The following SAMD4A variants were observed in gnomAD, a reference collection of about 807,000 sequenced individuals.
SAMD4A encodes sterile alpha motif domain containing 4A, also known as protein Smaug homolog 1.
SAMD4A carries 33 observed loss-of-function variants against 81.3 expected under a neutral mutation model. That is an observed-to-expected ratio of 0.41 (90% CI 0.31 to 0.54). The LOEUF (loss-of-function observed/expected upper bound fraction) is 0.54, where lower values mean the gene tolerates loss of function less well. Among genes scored for constraint, SAMD4A ranks in the 20% least tolerant of loss-of-function variants. The pLI, the probability that SAMD4A is intolerant of heterozygous loss-of-function variation, is 0.37. For missense variants in SAMD4A, 854 were observed against 951.1 expected (o/e 0.90, Z 1.34); for synonymous variants, 389 against 382.1 (o/e 1.02, Z -0.21).
intron 2 of SAMD4A, chr14:54,681,730 C>A: frequency 1.1e-6 from 1 of 942,180 alleles, no homozygotes; most frequent in South Asian, 4.9e-5. Flanking sequence ...CCACGCCCTG[C>A]CTTTTAGAAA....
rs1365470221 is a variant in SAMD4A at position 54,702,311 on chromosome 14, A to G, written c.446A>G (p.His149Arg). 4.3e-6 allele frequency: 7 copies of G among 1,613,844 alleles called. No individual in the cohort carries two copies. The South Asian group carries it at 7.7e-5, about 18-fold the overall frequency. The change falls in exon 3 of 13, where the codon CAC becomes CGC. Residue 149 changes from histidine (H) to arginine (R), a missense_variant. Physicochemically the swap from His to Arg is conservative, Grantham distance 29 (BLOSUM62 0). This residue lies in a region of SAMD4A where 387 missense variants were observed against 405.8 expected (regional missense o/e 0.95). Coordinates refer to ENST00000554335, the MANE Select transcript of SAMD4A (RefSeq NM_015589.6). ...DRSALAMWLN[H>R]LEDRTSTSFG... ...AGTGCTTTAGCCATGTGGCTGAATC[A>G]CTTGGAGGACCGCACGTCGACCAGC...
chr14:54,716,271 C>CATGT (rs2037115196), intron 3 of SAMD4A, among the ~76,000 whole-genome samples: 1 of 152,162 alleles, frequency 6.6e-6, no homozygotes, highest in South Asian at 2.1e-4. Flanking sequence ...CAAAGTCAGA[C>CATGT]ATGTATTCCT....
intron 7 of SAMD4A, among the ~76,000 whole-genome samples, chr14:54,762,402 T>G (rs889324181): frequency 6.6e-6 from 1 of 152,206 alleles, no homozygotes; most frequent in Non-Finnish European, 1.5e-5. Flanking sequence ...ACCACCCACC[T>G]TAAGGCATGT....
intron 2 of SAMD4A, among the ~76,000 whole-genome samples, chr14:54,637,480 G>T (rs2035063961): frequency 6.6e-6 from 1 of 151,770 alleles, no homozygotes; most frequent in Admixed American, 6.6e-5. Flanking sequence ...AGCTCTAGAA[G>T]CCAGGTGAAG....
chr14:54,592,330 CTT>C (rs1043891252), intron 2 of SAMD4A, among the ~76,000 whole-genome samples: 49 of 152,224 alleles, frequency 3.2e-4, no homozygotes, highest in African/African-American at 1.0e-3. Flanking sequence ...TCTACAAACA[CTT>C]TGCATCTGGC....
intron 2 of SAMD4A, among the ~76,000 whole-genome samples, chr14:54,651,839 A>G (rs2035410544): frequency 6.6e-6 from 1 of 151,836 alleles, no homozygotes; most frequent in Non-Finnish European, 1.5e-5. Context: ...TTCATCATAG[A>G]CTCCTTGGCC....
intron 2 of SAMD4A, among the ~76,000 whole-genome samples, chr14:54,649,812 G>C (rs1447591390): frequency 1.3e-5 from 2 of 152,188 alleles, no homozygotes; most frequent in African/African-American, 4.8e-5. Flanking sequence ...TCATTTGCCT[G>C]TAAGTATTTG....
intron 12 of SAMD4A, among the ~76,000 whole-genome samples, chr14:54,785,521 T>C (rs2039116838): frequency 6.6e-6 from 1 of 152,056 alleles, no homozygotes; most frequent in Non-Finnish European, 1.5e-5. Context: ...AATAGCCCTA[T>C]CCAGTCTACA....
At chr14:54,580,837 C>T (rs1324589552) in intron 2 of SAMD4A, among the ~76,000 whole-genome samples, 2 of 152,168 alleles carry the variant, frequency 1.3e-5, no homozygotes, top group East Asian at 1.9e-4. Flanking sequence ...GATCTCAGAA[C>T]GTTTTCGTTG....
intron 6 of SAMD4A, among the ~76,000 whole-genome samples, chr14:54,755,342 G>A (rs1014130965): frequency 1.4e-4 from 21 of 152,158 alleles, no homozygotes; most frequent in African/African-American, 1.9e-4. Flanking sequence ...GTCAGTGGCC[G>A]GAAGAGCAGG....
chr14:54,567,896 A>G lies in SAMD4A; in HGVS notation c.-21A>G. ...CTGGGGCGCCCAGGGGGCTCTGTAG[A>G]CCGAGGGCGGCCCCCTAACCATGAT... On this transcript the variant is annotated 5_prime_UTR_variant, in exon 2 of 13. Transcript: ENST00000554335. 6.3e-7 allele frequency: 1 copy of G among 1,599,036 alleles called. No homozygotes were observed. Among genetic ancestry groups the G allele is most frequent in the South Asian group, 1.1e-5 (1 of 90,060 alleles).
intron 3 of SAMD4A, chr14:54,703,738 G>A (rs1241019797): frequency 6.6e-6 from 1 of 152,156 alleles, no homozygotes; most frequent in Non-Finnish European, 1.5e-5. Context: ...ACATGGTGGT[G>A]TATGCCTGTA....
intron 3 of SAMD4A, among the ~76,000 whole-genome samples, chr14:54,712,311 C>G (rs189190524): frequency 6.6e-6 from 1 of 152,096 alleles, no homozygotes; most frequent in South Asian, 2.1e-4. Flanking sequence ...TCTAGCCAAC[C>G]TGGCATGTAA....
chr14:54,651,460 GTCA>G lies in SAMD4A; in HGVS notation c.197-50600_197-50598del, dbSNP rs371611763. On this transcript the variant is annotated intron_variant, in intron 2 of 12. Coordinates refer to ENST00000554335, the MANE Select transcript of SAMD4A (RefSeq NM_015589.6). The stretch of plus-strand genomic sequence containing the variant: ...TCTCTTTTGTTTGACAAGTTTTGTT[GTCA>G]TTTAACAGATTTGCTTCATGGGAGG... Among the ~76,000 whole-genome samples, 1,218 of 152,178 alleles carry G rather than the reference GTCA, an allele frequency of 8.0e-3. 14 individuals are homozygous for G. The highest frequency in any genetic ancestry group is 0.028 in the African/African-American group (1,159 of 41,512).
intron 6 of SAMD4A, among the ~76,000 whole-genome samples, chr14:54,753,498 C>G (rs1238095502): frequency 6.6e-6 from 1 of 152,188 alleles, no homozygotes; most frequent in Admixed American, 6.5e-5. Flanking sequence ...AGCAAAACTA[C>G]AAATTAACAA....
chr14:54,584,660 T>TC (rs1275088306), intron 2 of SAMD4A, among the ~76,000 whole-genome samples: 20 of 152,226 alleles, frequency 1.3e-4, no homozygotes, highest in African/African-American at 4.8e-4. Flanking sequence ...ATCTTTCAGT[T>TC]CCTGCCCTTT....
intron 7 of SAMD4A, among the ~76,000 whole-genome samples, chr14:54,761,659 C>A (rs2038401732): frequency 6.6e-6 from 1 of 152,236 alleles, no homozygotes; most frequent in Non-Finnish European, 1.5e-5. Flanking sequence ...CTCACCTTGG[C>A]ATGCACTTGT....
chr14:54,650,827 C>T (rs1203325155), intron 2 of SAMD4A, among the ~76,000 whole-genome samples: 1 of 152,172 alleles, frequency 6.6e-6, no homozygotes, highest in East Asian at 1.9e-4. Context: ...CAGAGGCGTG[C>T]CCCACGTTGT....
intron 2 of SAMD4A, among the ~76,000 whole-genome samples, chr14:54,576,758 A>G (rs1345271100): frequency 1.3e-5 from 2 of 152,238 alleles, no homozygotes; most frequent in African/African-American, 2.4e-5. Flanking sequence ...TGATGAATTA[A>G]TGGAGAAATA....
Sources: gnomAD v4.1 joint callset for allele counts (sites outside exome capture counted in the v4.1 genomes callset) on GRCh38, gnomAD v4.1.1 for gene constraint, gnomAD v4.1.1 regional missense constraint, MANE v1.5 for transcripts, NCBI Gene and HGNC (gene_info 2026-07-23, HGNC 2026-07-21) for gene names.